The following HHLA1 variants were observed in gnomAD, a reference collection of about 807,000 sequenced individuals.
The protein encoded by HHLA1 is HERV-H LTR-associating protein 1.
Under a neutral mutation model 69.9 loss-of-function variants are expected in HHLA1, and 72 were observed. The observed-to-expected ratio is 1.03, with a 90% CI of 0.85 to 1.25. The LOEUF (loss-of-function observed/expected upper bound fraction) is 1.25. Ranked by LOEUF, HHLA1 falls within the 50% of genes most tolerant of loss-of-function variation. The probability of loss-of-function intolerance (pLI) is 0.00; values close to 1 mark genes in which losing one functional copy is unlikely to be tolerated. For synonymous variants in HHLA1, 252 were observed against 233.2 expected, an observed-to-expected ratio of 1.08 and a Z score of -0.73; for missense variants, 685 against 642.2, an observed-to-expected ratio of 1.07 and a Z score of -0.72.
Position 132,061,877 on chromosome 8 carries a change from C to T in HHLA1, c.*2118G>A, listed in dbSNP as rs1001876413. On this transcript the variant is annotated 3_prime_UTR_variant, in exon 17 of 17. Transcript: ENST00000414222. Reference sequence around the variant, plus strand: ...CTTTGTCCTTGATGCTAGGCCAGATCCTTGCATAAGCCTCAGAGGTATTCC... The same window carrying T: ...CTTTGTCCTTGATGCTAGGCCAGATTCTTGCATAAGCCTCAGAGGTATTCC... 1.3e-5 allele frequency: 2 copies of T among 152,316 alleles called. No individual in the cohort carries two copies. The allele number at this position is 152,316 out of a possible 1,614,324, so 9.4% of individuals were successfully genotyped here.
Position 132,070,354 on chromosome 8 carries a change from G to A in HHLA1, c.1469+986C>T, listed in dbSNP as rs563631200. On this transcript the variant is annotated intron_variant, in intron 15 of 16. Transcript: ENST00000414222. ...AGTTTTCCAACTTATTTTGCTGGTG[G>A]ATGATTGGTAGGGATTTATGAAAGA... is the stretch of plus-strand genomic sequence containing the variant. The A allele has an allele frequency of 5.7e-6, 4 of 701,982 alleles. No individual in the cohort carries two copies. The Admixed American group carries it at 8.0e-5, about 14-fold the overall frequency. The allele number at this position is 701,982 out of a possible 1,614,324, so 43.5% of individuals were successfully genotyped here. A position where few individuals can be genotyped will look rare whatever the true frequency, so the allele number is the denominator to read the frequency against.
chr8:132,084,343 A>G (rs1449924187), intron 10 of HHLA1, among the ~76,000 whole-genome samples: 3 of 152,070 alleles, frequency 2.0e-5, no homozygotes, highest in Non-Finnish European at 2.9e-5. Flanking sequence ...AAGGAAGATT[A>G]GAAAGACTCA....
chr8:132,090,531 T>A (rs1425320423), intron 7 of HHLA1, among the ~76,000 whole-genome samples: 2 of 152,030 alleles, frequency 1.3e-5, no homozygotes, highest in African/African-American at 4.8e-5. Context: ...CCAAGAGAGG[T>A]AGGAAAATGT....
rs999136844 is a variant in HHLA1, at chr8:132,076,536, G to T, written c.1179C>A (p.Phe393Leu). The T allele has an allele frequency of 1.3e-6, 2 of 1,532,048 alleles. No homozygotes were observed. The highest frequency in any genetic ancestry group is 2.8e-5 in the African/African-American group (2 of 72,200). 94.9% of individuals were successfully genotyped at this position (1,532,048 alleles called of 1,614,324 possible). The change falls in exon 13 of 17, where the codon TTC (phenylalanine) becomes TTA (leucine). Residue 393 changes from phenylalanine (F) to leucine (L), a missense_variant. Coordinates refer to ENST00000414222, the MANE Select transcript of HHLA1 (RefSeq NM_001145095.3). ...PSQASPTLGA[F>L]THGTQTPSPT... ...GACTCGGAGTCTGTGTGCCATGGGT[G>T]AATGCTCCTGGGAGGAGATGAGAGA...
intron 6 of HHLA1, 49 bp from the exon 7 acceptor site, chr8:132,095,651 T>G: frequency 6.5e-7 from 1 of 1,529,028 alleles, no homozygotes; most frequent in Non-Finnish European, 8.9e-7. Context: ...AGACCAGCCC[T>G]GCAACACATC....
chr8:132,086,257 T>C (rs1256855523), intron 10 of HHLA1, among the ~76,000 whole-genome samples: 1 of 152,102 alleles, frequency 6.6e-6, no homozygotes, highest in African/African-American at 2.4e-5. Flanking sequence ...TAGAGTCCCG[T>C]TGGGAAGACA....
In HHLA1 at chr8:132,076,558, G is replaced by C. The variant is rs753595970; in HGVS notation, c.1172-15C>G. On this transcript the variant is annotated splice_polypyrimidine_tract_variant and intron_variant, in intron 12 of 16. Transcript: ENST00000414222. ...GGTGAATGCTCCTGGGAGGAGATGAGAGAGAGGTGAGCCTGCATCTCTTCT... is the reference window on the plus strand; with the variant it reads ...GGTGAATGCTCCTGGGAGGAGATGACAGAGAGGTGAGCCTGCATCTCTTCT... The C allele has an allele frequency of 6.7e-7, 1 of 1,500,724 alleles. No individual in the cohort carries two copies. The highest frequency in any genetic ancestry group is 2.5e-5 in the East Asian group (1 of 39,656). The allele number at this position is 1,500,724 out of a possible 1,614,324, so 93.0% of individuals were successfully genotyped here. A position where few individuals can be genotyped will look rare whatever the true frequency, so the allele number is the denominator to read the frequency against.
At chr8:132,095,136 T>A (rs574294754) in intron 7 of HHLA1, among the ~76,000 whole-genome samples, 1 of 152,354 alleles carries the variant, frequency 6.6e-6, no homozygotes, top group Non-Finnish European at 1.5e-5. Flanking sequence ...TGTATTTTTG[T>A]GTAACTTTCT....
intron 7 of HHLA1, among the ~76,000 whole-genome samples, chr8:132,091,287 G>A (rs1823942091): frequency 6.6e-6 from 1 of 152,198 alleles, no homozygotes; most frequent in Admixed American, 6.5e-5. Flanking sequence ...CTTGGAAGTT[G>A]TTATCAATTT....
At position 132,079,924 on chromosome 8, in the gene HHLA1, G is replaced by C. The variant is rs1421215625; in HGVS notation, c.719C>G (p.Thr240Ser). The change falls in exon 11 of 17, where the codon ACC becomes AGC. Residue 240 changes from threonine (T) to serine (S), a missense_variant. Coordinates refer to ENST00000414222, the MANE Select transcript of HHLA1 (RefSeq NM_001145095.3). ...RGTARTSKPT[T>S]KSQKTLPSTS... ...ACTTGGTAGTGTTTTCTGGCTTTTG[G>C]TTGTGGGCTTTGAAGTCCTGGCAGT... is the stretch of plus-strand genomic sequence containing the variant. 6.4e-7 allele frequency: 1 copy of C among 1,552,292 alleles called. No individual in the cohort carries two copies. The highest frequency in any genetic ancestry group is 2.4e-5 in the East Asian group (1 of 40,912).
chr8:132,104,520 G>C (rs771071127), intron 2 of HHLA1, among the ~76,000 whole-genome samples: 3 of 152,214 alleles, frequency 2.0e-5, no homozygotes, highest in Non-Finnish European at 4.4e-5. Context: ...CCTGAGAGGG[G>C]GCGTTGAGCT....
At chr8:132,108,701 G>A (rs1824246415) in intron 1 of HHLA1, among the ~76,000 whole-genome samples, 1 of 152,086 alleles carries the variant, frequency 6.6e-6, no homozygotes, top group South Asian at 2.1e-4. Context: ...GATGCAGGAA[G>A]AAGCCTTCTT....
Position 132,098,980 on chromosome 8 carries a change from A to G in HHLA1, c.200-18T>C. On this transcript the variant is annotated intron_variant, in intron 4 of 16. Coordinates refer to ENST00000414222, the MANE Select transcript of HHLA1 (RefSeq NM_001145095.3). ...GGGCAGCTCTGAAAGAGATTCAGAGATAATGTCACTGGCAGGCTTTTCTCG... is the reference window on the plus strand; with the variant it reads ...GGGCAGCTCTGAAAGAGATTCAGAGGTAATGTCACTGGCAGGCTTTTCTCG... 6.6e-7 allele frequency: 1 copy of G among 1,509,922 alleles called. No individual in the cohort carries two copies. The allele number at this position is 1,509,922 out of a possible 1,614,324, so 93.5% of individuals were successfully genotyped here.
At chr8:132,093,903 C>T (rs1823981264) in intron 7 of HHLA1, among the ~76,000 whole-genome samples, 1 of 152,094 alleles carries the variant, frequency 6.6e-6, no homozygotes, top group Admixed American at 6.6e-5. Context: ...AGATAATAGA[C>T]ATTAAGCACT....
intron 16 of HHLA1, among the ~76,000 whole-genome samples, chr8:132,065,278 A>G (rs1259044426): frequency 6.6e-6 from 1 of 152,152 alleles, no homozygotes; most frequent in Admixed American, 6.5e-5. Context: ...TCAGTCAAGA[A>G]TTTCAGTATT....
In HHLA1 at chr8:132,096,188, G is replaced by A. The variant is rs534987259; in HGVS notation, c.281-402C>T. The stretch of plus-strand genomic sequence containing the variant: ...CCCTCCCTTCAAGGGCTCTAAAGGA[G>A]AATCTGTTCTTGCCTCTCTCAGCTC... On this transcript the variant is annotated intron_variant, in intron 5 of 16. Transcript: ENST00000414222. 9.2e-5 allele frequency among the ~76,000 whole-genome samples: 14 copies of A among 152,328 alleles called. No individual in the cohort carries two copies. In the East Asian group the frequency reaches 2.7e-3, roughly 29 times the overall value.
intron 11 of HHLA1, among the ~76,000 whole-genome samples, chr8:132,078,869 C>T (rs964859334): frequency 6.6e-6 from 1 of 151,988 alleles, no homozygotes; most frequent in East Asian, 1.9e-4. Flanking sequence ...TCAGTGGGTC[C>T]ATTGTTGGAA....
intron 11 of HHLA1, 41 bp from the exon 12 acceptor site, chr8:132,078,012 T>A (rs757385834): frequency 1.8e-5 from 28 of 1,541,686 alleles, no homozygotes; most frequent in Non-Finnish European, 2.5e-5. Flanking sequence ...CAGACATGCT[T>A]GACCACTTCG....
At chr8:132,083,711 G>A (rs1384839997) in intron 10 of HHLA1, among the ~76,000 whole-genome samples, 1 of 152,220 alleles carries the variant, frequency 6.6e-6, no homozygotes, top group Non-Finnish European at 1.5e-5. Context: ...GCAAGCTCCT[G>A]TGGGAGGAGG....
Sources: allele counts gnomAD v4.1 joint callset (sites outside exome capture counted in the v4.1 genomes callset), GRCh38; gene constraint gnomAD v4.1.1; transcripts MANE v1.5; gene names NCBI Gene and HGNC (gene_info 2026-07-23, HGNC 2026-07-21).